The following RGS9 variants were observed in gnomAD, a reference collection of about 807,000 sequenced individuals.
The protein encoded by RGS9 is regulator of G protein signaling 9, also known as regulator of G-protein signalling 9.
Under a neutral mutation model 102.0 loss-of-function variants are expected in RGS9, and 78 were observed. That is an observed-to-expected ratio of 0.76 (90% confidence interval 0.64 to 0.92). The LOEUF is 0.92. Ranked by LOEUF, RGS9 falls within the 40% of genes least tolerant of loss-of-function variation. The probability of loss-of-function intolerance (pLI) is 0.00; values close to 1 mark genes in which losing one functional copy is unlikely to be tolerated. For synonymous variants in RGS9, 353 were observed against 318.6 expected, an observed-to-expected ratio of 1.11 and a Z score of -1.15; for missense variants, 833 against 866.1, an observed-to-expected ratio of 0.96 and a Z score of 0.48.
At chr17:65,211,675 G>A (rs961345092) in intron 17 of RGS9, among the ~76,000 whole-genome samples, 1 of 152,152 alleles carries the variant, frequency 6.6e-6, no homozygotes, top group African/African-American at 2.4e-5. Flanking sequence ...GTGCAAGAAT[G>A]CAACAGAGAT....
At chr17:65,145,566 A>ATTT (rs1567858058) in intron 1 of RGS9, among the ~76,000 whole-genome samples, 1,818 of 118,274 alleles carry the variant, frequency 0.015, 24 homozygotes, top group Middle Eastern at 0.021. Context: ...TTTTTTTTTA[A>ATTT]TATATTTTTA....
chr17:65,199,315 C>G (rs183971241), intron 13 of RGS9, among the ~76,000 whole-genome samples: 6 of 152,184 alleles, frequency 3.9e-5, no homozygotes, highest in African/African-American at 1.2e-4. Context: ...TCCTGCTTCT[C>G]CTGCACCCCA....
At chr17:65,206,979 A>T (rs1461631183) in intron 15 of RGS9, among the ~76,000 whole-genome samples, 2 of 152,172 alleles carry the variant, frequency 1.3e-5, no homozygotes, top group African/African-American at 4.8e-5. Context: ...AAAATACCTC[A>T]ATCCCTGGTT....
chr17:65,224,433 T>C (rs7220751), intron 17 of RGS9, among the ~76,000 whole-genome samples: 25,194 of 152,112 alleles, frequency 0.17, 2,503 homozygotes, highest in East Asian at 0.3. Context: ...TCTGGGAAGG[T>C]GCTGGGCCTA....
chr17:65,206,266 G>A (rs115910696), intron 15 of RGS9, among the ~76,000 whole-genome samples: 2,013 of 152,278 alleles, frequency 0.013, 44 homozygotes, highest in African/African-American at 0.046. Flanking sequence ...AATCAGTGGG[G>A]TGTTTCTGTG....
At position 65,189,332 on chromosome 17, in the gene RGS9, T is replaced by TAA; in HGVS notation, c.684+17_684+18insAA. The TAA allele has an allele frequency of 6.3e-7, 1 of 1,592,748 alleles. No homozygotes were observed. The highest frequency in any genetic ancestry group is 1.1e-5 in the South Asian group (1 of 90,636). On this transcript the variant is annotated intron_variant, in intron 10 of 18. Transcript: ENST00000262406. The stretch of plus-strand genomic sequence containing the variant: ...AAAAAAGAGGTAATTAGTCTTACAC[T>TAA]TCCAGTGAAGAATGGTTTTAAATCT...
chr17:65,158,210 A>G (rs1910842357), intron 2 of RGS9, 85 bp from the exon 3 acceptor site: 3 of 1,265,896 alleles, frequency 2.4e-6, no homozygotes, highest in Non-Finnish European at 3.5e-6. Context: ...CTGAACGGGA[A>G]GGAGACCAGT....
chr17:65,214,128 A>AT (rs890601342), intron 17 of RGS9, among the ~76,000 whole-genome samples: 3 of 152,008 alleles, frequency 2.0e-5, no homozygotes, highest in African/African-American at 7.2e-5. Context: ...GGCTTGGCTA[A>AT]TTTTTTGTAT....
chr17:65,196,717 G>C (rs796482994), intron 12 of RGS9, among the ~76,000 whole-genome samples: 2 of 151,716 alleles, frequency 1.3e-5, no homozygotes, highest in African/African-American at 4.8e-5. Context: ...CCCAGCAGGT[G>C]GCAGTGATTG....
intron 6 of RGS9, among the ~76,000 whole-genome samples, chr17:65,162,330 T>C (rs56823394): frequency 0.055 from 8,421 of 152,190 alleles, 396 homozygotes; most frequent in African/African-American, 0.13. Flanking sequence ...TGCAGTGAGC[T>C]ATGATTGTGC....
At chr17:65,146,828 T>C (rs576184293) in intron 1 of RGS9, among the ~76,000 whole-genome samples, 2 of 152,200 alleles carry the variant, frequency 1.3e-5, no homozygotes, top group Admixed American at 1.3e-4. Context: ...AGGTGGAGGT[T>C]ACAGTGAGCC....
intron 11 of RGS9, among the ~76,000 whole-genome samples, chr17:65,190,457 A>G (rs1912326152): frequency 6.6e-6 from 1 of 152,206 alleles, no homozygotes; most frequent in Non-Finnish European, 1.5e-5. Flanking sequence ...GTGAGGTTCT[A>G]GAAAAGACTG....
intron 13 of RGS9, among the ~76,000 whole-genome samples, chr17:65,201,336 G>T (rs1912833643): frequency 6.6e-6 from 1 of 152,174 alleles, no homozygotes; most frequent in African/African-American, 2.4e-5. Flanking sequence ...TCCTGCTCCT[G>T]GCCAGACCTT....
In RGS9 at chr17:65,220,009, A is replaced by C. The variant is rs577095266; in HGVS notation, c.1408-4993A>C. 1.6e-3 allele frequency among the ~76,000 whole-genome samples: 224 copies of C among 142,786 alleles called. 1 individual carries two copies. Among genetic ancestry groups the C allele is most frequent in the African/African-American group, 6.2e-3 (218 of 34,922 alleles). 93.7% of individuals were successfully genotyped at this position (142,786 alleles called of 152,430 possible). On this transcript the variant is annotated intron_variant, in intron 17 of 18. Transcript: ENST00000262406. ...CATCATCATCACTATCATCATCACC[A>C]TCAACATCACCACCACTACCATCAT...
At chr17:65,198,627 G>A (rs1912693620) in intron 13 of RGS9, among the ~76,000 whole-genome samples, 1 of 152,186 alleles carries the variant, frequency 6.6e-6, no homozygotes, top group Admixed American at 6.5e-5. Context: ...ATCAGAACCA[G>A]GCTGTGCATT....
intron 17 of RGS9, among the ~76,000 whole-genome samples, chr17:65,216,612 G>T (rs555376589): frequency 1.3e-5 from 2 of 152,282 alleles, no homozygotes; most frequent in African/African-American, 4.8e-5. Context: ...ACTTCAGCCT[G>T]GGCAACGATT....
At chr17:65,141,762 G>A (rs1910165343) in intron 1 of RGS9, among the ~76,000 whole-genome samples, 1 of 152,174 alleles carries the variant, frequency 6.6e-6, no homozygotes, top group Non-Finnish European at 1.5e-5. Flanking sequence ...TTTTACAAGG[G>A]GGCTTGCAAT....
rs369706360 is a variant in RGS9 at position 65,225,223 on chromosome 17, C to G, written c.1629C>G (p.Ser543Arg). The G allele has an allele frequency of 6.2e-7, 1 of 1,612,122 alleles. No homozygotes were observed. The highest frequency in any genetic ancestry group is 8.5e-7 in the Non-Finnish European group (1 of 1,180,008). ...SSGLEQKGECSGSMAPRGPSV... is the reference protein window; with the variant it reads ...SSGLEQKGECRGSMAPRGPSV... ...GCTTGGAGCAGAAAGGGGAGTGCAG[C>G]GGGTCCATGGCCCCCCGTGGGCCCT... Residue 543 changes from serine (S) to arginine (R), a missense_variant, in exon 18 of 19, where the codon AGC (serine) becomes AGG (arginine). Around this residue, in one of 3 missense-constraint regions of RGS9, gnomAD observed 320 missense variants for 276.8 expected, o/e 1.16. Transcript: ENST00000262406.
chr17:65,162,072 G>T (rs1911006254), intron 6 of RGS9, among the ~76,000 whole-genome samples: 1 of 152,092 alleles, frequency 6.6e-6, no homozygotes, highest in South Asian at 2.1e-4. Context: ...TTTATTTTGT[G>T]AATTTGTGAT....
Sources: allele counts gnomAD v4.1 joint callset (sites outside exome capture counted in the v4.1 genomes callset), GRCh38; gene constraint gnomAD v4.1.1; regional missense constraint gnomAD v4.1.1; transcripts MANE v1.5; gene names NCBI Gene and HGNC (gene_info 2026-07-23, HGNC 2026-07-21).